Variants in GNG7 observed in about 807,000 individuals in gnomAD.
The protein encoded by GNG7 is guanine nucleotide-binding protein G(I)/G(S)/G(O) subunit gamma-7.
In GNG7, 1 loss-of-function variant was observed where a neutral mutation model predicts 4.0. The ratio of observed to expected loss-of-function variants is 0.25; its 90% confidence interval spans 0.09 to 1.18. The LOEUF (loss-of-function observed/expected upper bound fraction) is 1.18. Among genes scored for constraint, GNG7 ranks in the 50% most tolerant of loss-of-function variants. The pLI, the probability that GNG7 is intolerant of heterozygous loss-of-function variation, is 0.50. For missense variants in GNG7, 86 were observed against 91.9 expected, an observed-to-expected ratio of 0.94 and a Z score of 0.26; for synonymous variants, 34 against 36.9, an observed-to-expected ratio of 0.92 and a Z score of 0.29.
intron 2 of GNG7, among the ~76,000 whole-genome samples, chr19:2,578,703 GGCACT>G (rs1231014813): frequency 2.0e-5 from 3 of 152,214 alleles, no homozygotes; most frequent in African/African-American, 7.2e-5. Context: ...GGCCGTCCTG[GGCACT>G]GCAGGGTGCT....
chr19:2,513,195 G>T lies in GNG7; in HGVS notation c.*1827C>A. On this transcript the variant is annotated 3_prime_UTR_variant, in exon 5 of 5. Coordinates refer to ENST00000382159, the MANE Select transcript of GNG7 (RefSeq NM_052847.3). ...GGAACCCTGGCAGTCACCAGCTCAG[G>T]AAGTGAGCCAAGCAGGGATCCCCGC... 4 of 924,526 alleles carry T rather than the reference G, an allele frequency of 4.3e-6. No individual in the cohort carries two copies. Among genetic ancestry groups the T allele is most frequent in the Non-Finnish European group, 5.2e-6 (4 of 774,410 alleles). The allele number at this position is 924,526 out of a possible 1,614,324, so 57.3% of individuals were successfully genotyped here.
chr19:2,533,258 T>A (rs1399729137), intron 3 of GNG7, among the ~76,000 whole-genome samples: 2 of 149,372 alleles, frequency 1.3e-5, no homozygotes, highest in Admixed American at 6.7e-5. Flanking sequence ...ATTAAATATT[T>A]AAAAAATAAA....
chr19:2,595,876 G>A (rs1981004097), intron 2 of GNG7, among the ~76,000 whole-genome samples: 2 of 152,098 alleles, frequency 1.3e-5, no homozygotes, highest in Admixed American at 6.6e-5. Flanking sequence ...GTGGTTAGAC[G>A]ACAATGACCA....
intron 1 of GNG7, among the ~76,000 whole-genome samples, chr19:2,702,441 C>A (rs1329138598): frequency 2.0e-5 from 3 of 148,590 alleles, no homozygotes; most frequent in Non-Finnish European, 4.5e-5. Flanking sequence ...CCCTCCCCAG[C>A]TAACTTCGAC....
chr19:2,687,691 T>C (rs1488296332), intron 1 of GNG7, among the ~76,000 whole-genome samples: 1 of 151,860 alleles, frequency 6.6e-6, no homozygotes, highest in Non-Finnish European at 1.5e-5. Flanking sequence ...GTTTAAATCA[T>C]GATGCCGGGC....
intron 2 of GNG7, among the ~76,000 whole-genome samples, chr19:2,560,292 G>A (rs538166441): frequency 5.3e-5 from 8 of 152,214 alleles, no homozygotes; most frequent in Non-Finnish European, 1.5e-5. Context: ...TGAGGGCCTG[G>A]CCGTGGCAGG....
At chr19:2,686,876 T>C (rs375279161) in intron 1 of GNG7, among the ~76,000 whole-genome samples, 1 of 151,052 alleles carries the variant, frequency 6.6e-6, no homozygotes, top group African/African-American at 2.4e-5. Flanking sequence ...CTCAGCCTCC[T>C]GAGTAGCTGG....
At chr19:2,669,887 A>G (rs1599453183) in intron 1 of GNG7, among the ~76,000 whole-genome samples, 1 of 151,442 alleles carries the variant, frequency 6.6e-6, no homozygotes, top group East Asian at 2.0e-4. Flanking sequence ...GCGGGTACCT[A>G]TAATCCCAGC....
intron 1 of GNG7, among the ~76,000 whole-genome samples, chr19:2,662,881 T>A (rs569318910): frequency 3.3e-5 from 5 of 152,234 alleles, no homozygotes; most frequent in African/African-American, 1.2e-4. Context: ...AGACCATTCC[T>A]GAAAATAACT....
chr19:2,692,591 C>T (rs1237972593), intron 1 of GNG7, among the ~76,000 whole-genome samples: 2 of 149,034 alleles, frequency 1.3e-5, no homozygotes, highest in East Asian at 2.0e-4. Flanking sequence ...GCCGAGATCG[C>T]GCCACTGCAC....
rs746071172 is a variant in GNG7 at position 2,642,877 on chromosome 19, G to C, written c.-78+3347C>G. On this transcript the variant is annotated intron_variant, in intron 2 of 4. Transcript: ENST00000382159. ...GGAATGCATAGTCTGAGCCCTCTCC[G>C]GGCTCTGCACACCTTCCCGCCCTGC... 3.5e-5 allele frequency: 16 copies of C among 456,190 alleles called. 1 individual carries two copies. Among genetic ancestry groups the C allele is most frequent in the African/African-American group, 8.0e-5 (4 of 50,070 alleles). 28.3% of individuals were successfully genotyped at this position (456,190 alleles called of 1,614,324 possible).
intron 1 of GNG7, among the ~76,000 whole-genome samples, chr19:2,663,958 G>A (rs1983241317): frequency 1.3e-5 from 2 of 152,126 alleles, no homozygotes; most frequent in Admixed American, 6.5e-5. Context: ...CCAAGTCACG[G>A]TACCCACAAA....
At position 2,513,042 on chromosome 19, in the gene GNG7, G is replaced by C; in HGVS notation, c.*1980C>G. The C allele has an allele frequency of 1.0e-6, 1 of 985,546 alleles. No individual in the cohort carries two copies. 61.1% of individuals were successfully genotyped at this position (985,546 alleles called of 1,614,324 possible). A position where few individuals can be genotyped will look rare whatever the true frequency, so the allele number is the denominator to read the frequency against. On this transcript the variant is annotated 3_prime_UTR_variant, in exon 5 of 5. Coordinates refer to ENST00000382159, the MANE Select transcript of GNG7 (RefSeq NM_052847.3). Reference sequence around the variant, plus strand: ...AAGCCCCAGCCCTCCCGGACCTGCCGTAGAGAGCTGGGTGCCGGGGGTGGG... The same window carrying C: ...AAGCCCCAGCCCTCCCGGACCTGCCCTAGAGAGCTGGGTGCCGGGGGTGGG...
intron 2 of GNG7, among the ~76,000 whole-genome samples, chr19:2,615,765 T>C (rs116449229): frequency 0.078 from 11,795 of 152,160 alleles, 536 homozygotes; most frequent in African/African-American, 0.12. Flanking sequence ...GCCTGGCCCA[T>C]CTGTGAGATT....
At chr19:2,520,766 A>G in intron 3 of GNG7, 41 bp from the exon 4 acceptor site, 5 of 909,760 alleles carry the variant, frequency 5.5e-6, no homozygotes, top group Non-Finnish European at 8.7e-6. Flanking sequence ...AGTTCAGGTC[A>G]GGCCTCTGGG....
chr19:2,628,745 G>T (rs913150140), intron 2 of GNG7, among the ~76,000 whole-genome samples: 3 of 151,302 alleles, frequency 2.0e-5, no homozygotes, highest in African/African-American at 7.4e-5. Context: ...GACACCTCGG[G>T]ATGTGCTTCT....
chr19:2,516,806 C>G (rs1219081212), intron 4 of GNG7: 1 of 152,448 alleles, frequency 6.6e-6, no homozygotes, highest in Non-Finnish European at 1.5e-5. Context: ...ATGACTCCAA[C>G]CCTCTGAGGG....
chr19:2,683,150 A>G (rs2144901427), intron 1 of GNG7, among the ~76,000 whole-genome samples: 1 of 152,148 alleles, frequency 6.6e-6, no homozygotes, highest in East Asian at 1.9e-4. Context: ...GAGGCACGAG[A>G]ATCGCTTGAA....
chr19:2,608,308 GC>G (rs1021835015), intron 2 of GNG7, among the ~76,000 whole-genome samples: 1 of 144,990 alleles, frequency 6.9e-6, no homozygotes, highest in Non-Finnish European at 1.6e-5. Context: ...CGTGGGATTT[GC>G]CCCTGGGAAA....
Sources: allele counts gnomAD v4.1 joint callset (sites outside exome capture counted in the v4.1 genomes callset), GRCh38; gene constraint gnomAD v4.1.1; transcripts MANE v1.5; gene names NCBI Gene and HGNC (gene_info 2026-07-23, HGNC 2026-07-21).